Variants in COPS5 observed in about 807,000 individuals in gnomAD.
COPS5 encodes COP9 signalosome subunit 5.
In COPS5, 8 loss-of-function variants were observed where a neutral mutation model predicts 44.4. The ratio of observed to expected loss-of-function variants is 0.18; its 90% CI spans 0.11 to 0.32. The LOEUF (loss-of-function observed/expected upper bound fraction) is 0.32, where lower values mean the gene tolerates loss of function less well. COPS5 is among the 10% of genes least tolerant of loss of function. COPS5 has a pLI of 1.00. For synonymous variants in COPS5, 122 were observed against 142.8 expected, an observed-to-expected ratio of 0.85 and a Z score of 1.04; for missense variants, 159 against 406.4, an observed-to-expected ratio of 0.39 and a Z score of 5.23.
At chr8:67,055,732 G>A (rs1804494038) in intron 5 of COPS5, among the ~76,000 whole-genome samples, 2 of 151,890 alleles carry the variant, frequency 1.3e-5, no homozygotes. Context: ...TAGGTGTGGT[G>A]GCACACACCT....
At chr8:67,049,792 G>A (rs17333264) in intron 6 of COPS5, among the ~76,000 whole-genome samples, 5,533 of 152,240 alleles carry the variant, frequency 0.036, 148 homozygotes, top group Middle Eastern at 0.058. Context: ...TCCTGCTGCT[G>A]TAGCTCATAT....
At chr8:67,048,944 A>T (rs1322124421) in intron 6 of COPS5, among the ~76,000 whole-genome samples, 1 of 152,234 alleles carries the variant, frequency 6.6e-6, no homozygotes. Flanking sequence ...CACATTAAAT[A>T]ACTTTCTGAA....
Position 67,062,051 on chromosome 8 carries a change from G to C in COPS5, c.-55C>G, listed in dbSNP as rs749170475. The C allele has an allele frequency of 6.2e-7, 1 of 1,612,550 alleles. No homozygotes were observed. The highest frequency in any genetic ancestry group is 1.1e-5 in the South Asian group (1 of 91,002). ...TACAACCAAGACGCAACTTTACCTC[G>C]CTAGGTTTCCGGGTGTGGGCCTTGA... On this transcript the variant is annotated 5_prime_UTR_variant, in exon 1 of 8. Transcript: ENST00000357849.
At chr8:67,057,480 A>T in intron 3 of COPS5, 35 bp from the exon 4 acceptor site, 2 of 1,384,788 alleles carry the variant, frequency 1.4e-6, no homozygotes, top group Non-Finnish European at 2.0e-6. Flanking sequence ...CTGCTGATAT[A>T]AAACTGTATG....
chr8:67,060,563 G>A (rs907395526), intron 1 of COPS5: 15 of 1,217,848 alleles, frequency 1.2e-5, no homozygotes, highest in Admixed American at 2.3e-5. Context: ...AAAGAAGAAA[G>A]ACAAGTTACT....
chr8:67,058,600 A>G (rs961408138), intron 2 of COPS5, among the ~76,000 whole-genome samples: 2 of 152,068 alleles, frequency 1.3e-5, no homozygotes, highest in Non-Finnish European at 2.9e-5. Context: ...ATATACCATA[A>G]TTTATTTAGC....
intron 5 of COPS5, 52 bp downstream of exon 5, chr8:67,056,467 T>C: frequency 1.6e-6 from 1 of 643,664 alleles, no homozygotes; most frequent in Non-Finnish European, 2.7e-6. Context: ...AGTGCTGGGA[T>C]TATAGGTGTG....
intron 7 of COPS5, chr8:67,044,895 C>T (rs7840028): frequency 0.11 from 17,130 of 152,192 alleles, 1,273 homozygotes; most frequent in African/African-American, 0.21. Context: ...CCACTGTGCC[C>T]GGCCTAAAAT....
At chr8:67,045,612 G>T in intron 7 of COPS5, 200 bp downstream of exon 7, 1 of 580,094 alleles carries the variant, frequency 1.7e-6, no homozygotes, top group Non-Finnish European at 3.0e-6. Flanking sequence ...GCCTTTTCAT[G>T]TTCTTACCTG....
chr8:67,043,105 GATATTA>G lies in COPS5; in HGVS notation c.*122_*127del. Reference sequence around the variant, plus strand: ...TTCATTTTAAAGAGCTTTATTACAGGATATTAATATTTAGGACACTTCAGAGCACCT... The same window carrying G: ...TTCATTTTAAAGAGCTTTATTACAGGATATTTAGGACACTTCAGAGCACCT... On this transcript the variant is annotated 3_prime_UTR_variant, in exon 8 of 8. Transcript: ENST00000357849. The G allele has an allele frequency of 1.9e-6, 1 of 532,430 alleles. No homozygotes were observed. Among genetic ancestry groups the G allele is most frequent in the Non-Finnish European group, 3.4e-6 (1 of 296,832 alleles). The allele number at this position is 532,430 out of a possible 1,614,324, so 33.0% of individuals were successfully genotyped here. A position where few individuals can be genotyped will look rare whatever the true frequency, so the allele number is the denominator to read the frequency against.
chr8:67,045,714 C>A (rs1816692582), intron 7 of COPS5, 98 bp downstream of exon 7: 2 of 1,198,958 alleles, frequency 1.7e-6, no homozygotes, highest in African/African-American at 1.5e-5. Context: ...TAAGTTGTAA[C>A]TAACTTGAGC....
At chr8:67,051,385 T>A (rs2129537836) in intron 5 of COPS5, 44 bp from the exon 6 acceptor site, 2 of 1,021,474 alleles carry the variant, frequency 2.0e-6, no homozygotes, top group Non-Finnish European at 3.0e-6. Flanking sequence ...AAAAAAAAAT[T>A]CAACTACGTC....
rs149984786 is a variant in COPS5 at position 67,043,538 on chromosome 8, G to A, written c.921-221C>T. On this transcript the variant is annotated intron_variant, in intron 7 of 7. Coordinates refer to ENST00000357849, the MANE Select transcript of COPS5 (RefSeq NM_006837.3). ...AGAACTTTCACAAGAGAATGACAAC[G>A]TAAAATTTGATACAATTGTTCTGTT... 1.3e-3 allele frequency: 454 copies of A among 359,900 alleles called. 6 individuals are homozygous for A. The East Asian group carries it at 0.017, about 13-fold the overall frequency. 22.3% of individuals were successfully genotyped at this position (359,900 alleles called of 1,614,324 possible). A position where few individuals can be genotyped will look rare whatever the true frequency, so the allele number is the denominator to read the frequency against.
intron 1 of COPS5, chr8:67,059,989 T>A (rs1255679584): frequency 6.0e-6 from 1 of 167,292 alleles, no homozygotes; most frequent in Non-Finnish European, 1.3e-5. Context: ...ATAATGTATA[T>A]AAAGTGCTTA....
intron 6 of COPS5, among the ~76,000 whole-genome samples, chr8:67,048,299 GTAAAATAAAATAA>G (rs1287607216): frequency 4.0e-5 from 6 of 148,460 alleles, no homozygotes; most frequent in African/African-American, 1.2e-4. Flanking sequence ...AATAAATAAA[GTAAAATAAAATAA>G]TAAAATAAAA....
In COPS5 at chr8:67,059,193, A is replaced by G. The variant is rs778385380; in HGVS notation, c.378+18T>C. 1.3e-6 allele frequency: 2 copies of G among 1,594,300 alleles called. No homozygotes were observed. Among genetic ancestry groups the G allele is most frequent in the Non-Finnish European group, 1.7e-6 (2 of 1,162,562 alleles). On this transcript the variant is annotated intron_variant, in intron 2 of 7. Coordinates refer to ENST00000357849, the MANE Select transcript of COPS5 (RefSeq NM_006837.3). ...CTCTAACTTGCAATTACTAAACTATAAGAAACAACATTTTTACCTGTTTTG... is the reference window on the plus strand; with the variant it reads ...CTCTAACTTGCAATTACTAAACTATGAGAAACAACATTTTTACCTGTTTTG...
intron 5 of COPS5, among the ~76,000 whole-genome samples, chr8:67,054,434 T>C (rs1804468046): frequency 2.6e-5 from 4 of 152,196 alleles, no homozygotes; most frequent in South Asian, 4.1e-4. Context: ...TTCTTTTTAA[T>C]AGGGCAAATT....
chr8:67,052,673 G>A (rs776759414), intron 5 of COPS5, among the ~76,000 whole-genome samples: 6 of 151,592 alleles, frequency 4.0e-5, no homozygotes, highest in East Asian at 2.0e-4. Context: ...CCGCCTTGGC[G>A]TCCCAAAGTG....
intron 1 of COPS5, 33 bp from the exon 2 acceptor site, chr8:67,059,478 C>T (rs1804555361): frequency 6.7e-7 from 1 of 1,500,432 alleles, no homozygotes; most frequent in Non-Finnish European, 9.3e-7. Context: ...AATTAAATTC[C>T]TTATATAAAG....
Sources: gnomAD v4.1 joint callset for allele counts (sites outside exome capture counted in the v4.1 genomes callset) on GRCh38, gnomAD v4.1.1 for gene constraint, MANE v1.5 for transcripts, NCBI Gene and HGNC (gene_info 2026-07-23, HGNC 2026-07-21) for gene names.